CSMD1: variants seen among roughly 807,000 people sequenced by gnomAD.
The protein encoded by CSMD1 is CUB and Sushi multiple domains 1.
In CSMD1, 213 loss-of-function variants were observed where a neutral mutation model predicts 417.5. The ratio of observed to expected loss-of-function variants is 0.51; its 90% CI spans 0.46 to 0.57. The LOEUF is 0.57. Among genes scored for constraint, CSMD1 ranks in the 20% least tolerant of loss-of-function variants. CSMD1 has a pLI of 0.00. For synonymous variants in CSMD1, 2,862 were observed against 1,736.8 expected (o/e 1.65, Z -16.11); for missense variants, 6,923 against 4,529.7 (o/e 1.53, Z -15.17).
Position 3,632,779 on chromosome 8 carries a change from T to G in CSMD1, c.1010-15982A>C, listed in dbSNP as rs191945223. 3.6e-3 allele frequency among the ~76,000 whole-genome samples: 549 copies of G among 152,332 alleles called. 5 individuals are homozygous for G. Among genetic ancestry groups the G allele is most frequent in the African/African-American group, 0.012 (497 of 41,576 alleles). ...GCTGCCCTTGTTTTGTTTTTGGCAG[T>G]CTCCATTTGCTTTCCTGTTTCAGGT... On this transcript the variant is annotated intron_variant, in intron 7 of 69. Coordinates refer to ENST00000635120, the MANE Select transcript of CSMD1 (RefSeq NM_033225.6).
rs151130381 is a variant in CSMD1 at position 4,498,533 on chromosome 8, G to T, written c.303-78468C>A. Among the ~76,000 whole-genome samples the T allele has an allele frequency of 5.5e-4, 84 of 152,108 alleles. No homozygotes were observed. In the East Asian group the frequency reaches 0.015, roughly 28 times the overall value. ...CTAAATTAAATTGAATTTTAGGGAG[G>T]GATAGGAGAAAATGTCCAGACTCGT... On this transcript the variant is annotated intron_variant, in intron 2 of 69. Coordinates refer to ENST00000635120, the MANE Select transcript of CSMD1 (RefSeq NM_033225.6).
chr8:4,764,396 ATTAC>A (rs1812310131), intron 1 of CSMD1, among the ~76,000 whole-genome samples: 1 of 152,180 alleles, frequency 6.6e-6, no homozygotes, highest in South Asian at 2.1e-4. Context: ...TTTCTGGCAT[ATTAC>A]TTTTTTACAA....
In CSMD1 at chr8:4,858,003, C is replaced by T. The variant is rs550167054; in HGVS notation, c.85+136329G>A. Among the ~76,000 whole-genome samples, 14 of 152,176 alleles carry T rather than the reference C, an allele frequency of 9.2e-5. No individual in the cohort carries two copies. The South Asian group carries it at 1.5e-3, about 16-fold the overall frequency. On this transcript the variant is annotated intron_variant, in intron 1 of 69. Transcript: ENST00000635120. The stretch of plus-strand genomic sequence containing the variant: ...CCAATATCTTTGATGAACATTGACG[C>T]AAAAATCCTCAGTAACATACTGGCA...
intron 12 of CSMD1, among the ~76,000 whole-genome samples, chr8:3,429,790 A>C (rs905863310): frequency 1.3e-5 from 2 of 152,196 alleles, no homozygotes; most frequent in African/African-American, 4.8e-5. Flanking sequence ...TTTGTAATTT[A>C]TACCTTACCT....
intron 3 of CSMD1, among the ~76,000 whole-genome samples, chr8:4,363,615 G>A (rs767555252): frequency 3.3e-5 from 5 of 152,164 alleles, no homozygotes; most frequent in Admixed American, 1.3e-4. Context: ...CAACATCAAC[G>A]TCCCTGGGAA....
At chr8:3,373,578 C>T (rs1365968961) in intron 18 of CSMD1, 1 of 152,138 alleles carries the variant, frequency 6.6e-6, no homozygotes, top group Non-Finnish European at 1.5e-5. Context: ...AAATGAAATA[C>T]CTGAATTACA....
intron 1 of CSMD1, among the ~76,000 whole-genome samples, chr8:4,975,436 T>G (rs1056805478): frequency 3.9e-4 from 60 of 152,198 alleles, no homozygotes; most frequent in African/African-American, 1.4e-3. Flanking sequence ...TGCTTTAACC[T>G]TCTAAGTATG....
At chr8:4,895,289 G>T (rs943710121) in intron 1 of CSMD1, among the ~76,000 whole-genome samples, 2 of 152,098 alleles carry the variant, frequency 1.3e-5, no homozygotes, top group Non-Finnish European at 2.9e-5. Context: ...TATGAAAATG[G>T]TAAGTCCGTA....
At chr8:3,971,898 T>G (rs1359837312) in intron 5 of CSMD1, among the ~76,000 whole-genome samples, 2 of 152,198 alleles carry the variant, frequency 1.3e-5, no homozygotes. Flanking sequence ...TTTTGTTGAC[T>G]TTTTTGTTCT....
At chr8:3,701,018 T>C (rs1800834501) in intron 7 of CSMD1, among the ~76,000 whole-genome samples, 1 of 151,154 alleles carries the variant, frequency 6.6e-6, no homozygotes, top group South Asian at 2.1e-4. Context: ...CGAGAAAGGC[T>C]TGGGATATGT....
intron 26 of CSMD1, among the ~76,000 whole-genome samples, chr8:3,254,998 G>T (rs969283681): frequency 5.9e-5 from 9 of 151,948 alleles, no homozygotes; most frequent in Admixed American, 3.3e-4. Flanking sequence ...CCATCTTTGT[G>T]GTTTTATCTA....
At chr8:3,170,795 T>C (rs1820537921) in intron 37 of CSMD1, among the ~76,000 whole-genome samples, 1 of 152,202 alleles carries the variant, frequency 6.6e-6, no homozygotes, top group Non-Finnish European at 1.5e-5. Flanking sequence ...GAAAACAAGA[T>C]ATGGTCACAG....
At chr8:3,119,349 C>T (rs936288963) in intron 41 of CSMD1, among the ~76,000 whole-genome samples, 3 of 73,896 alleles carry the variant, frequency 4.1e-5, no homozygotes, top group Admixed American at 2.0e-4. Flanking sequence ...ACAAATATAA[C>T]AGGAAAATCC....
intron 26 of CSMD1, chr8:3,278,551 A>G (rs543630252): frequency 6.6e-6 from 1 of 152,334 alleles, no homozygotes; most frequent in African/African-American, 2.4e-5. Flanking sequence ...TTTGAGTTCT[A>G]TTTAAAAATT....
At chr8:3,768,839 T>C (rs976448450) in intron 5 of CSMD1, among the ~76,000 whole-genome samples, 1 of 152,168 alleles carries the variant, frequency 6.6e-6, no homozygotes, top group Non-Finnish European at 1.5e-5. Flanking sequence ...GTGGATAGTC[T>C]AAAAGAAAAA....
intron 3 of CSMD1, among the ~76,000 whole-genome samples, chr8:4,372,597 T>C (rs560562641): frequency 4.0e-5 from 6 of 148,754 alleles, no homozygotes; most frequent in African/African-American, 1.5e-4. Context: ...TAAAACAAGG[T>C]GAGCGTTTTT....
chr8:4,874,600 A>C (rs1585246344), intron 1 of CSMD1, among the ~76,000 whole-genome samples: 1 of 151,804 alleles, frequency 6.6e-6, no homozygotes, highest in East Asian at 1.9e-4. Flanking sequence ...TATGTTGGCC[A>C]GGCTGGTCTC....
At chr8:4,412,985 T>C in intron 3 of CSMD1, among the ~76,000 whole-genome samples, 1 of 152,198 alleles carries the variant, frequency 6.6e-6, no homozygotes, top group East Asian at 1.9e-4. Context: ...TCTTTATCTT[T>C]TCAGTAGTTA....
At chr8:4,529,595 G>C (rs1796687541) in intron 2 of CSMD1, among the ~76,000 whole-genome samples, 1 of 152,156 alleles carries the variant, frequency 6.6e-6, no homozygotes, top group Non-Finnish European at 1.5e-5. Flanking sequence ...CTTGGGGGCA[G>C]TGTTGCCAGA....
Sources: allele counts gnomAD v4.1 joint callset (sites outside exome capture counted in the v4.1 genomes callset), GRCh38; gene constraint gnomAD v4.1.1; transcripts MANE v1.5; gene names NCBI Gene and HGNC (gene_info 2026-07-23, HGNC 2026-07-21).